Variants in HOXD1 observed in about 807,000 individuals in gnomAD.
HOXD1 encodes homeobox protein Hox-D1.
Under a neutral mutation model 19.9 loss-of-function variants are expected in HOXD1, and 17 were observed. The observed-to-expected ratio is 0.85, with a 90% CI of 0.58 to 1.28. The LOEUF (loss-of-function observed/expected upper bound fraction) is 1.28, where lower values mean the gene tolerates loss of function less well. Ranked by LOEUF, HOXD1 falls within the 50% of genes most tolerant of loss-of-function variation. The pLI, the probability that HOXD1 is intolerant of heterozygous loss-of-function variation, is 0.00. For missense variants in HOXD1, 500 were observed against 460.1 expected (o/e 1.09, Z -0.79); for synonymous variants, 239 against 216.0 (o/e 1.11, Z -0.93).
At chr2:176,189,779 C>G (rs750423712) in intron 1 of HOXD1, 29 bp from the exon 2 acceptor site, 1 of 1,611,170 alleles carries the variant, frequency 6.2e-7, no homozygotes, top group Admixed American at 1.7e-5. Flanking sequence ...GGCCTCAGGC[C>G]TGGCTGACGC....
rs896234785 is a variant in HOXD1 at position 176,189,426 on chromosome 2, A to C, written c.625A>C (p.Lys209Gln). Residue 209 changes from lysine to glutamine, a missense_variant, in exon 1 of 2, where the codon AAA becomes CAA. By Grantham distance (53) the Lys-to-Gln change is moderately conservative. Transcript: ENST00000331462. ...PAAFSTFEWM[K>Q]VKRNASKKGK... The stretch of plus-strand genomic sequence containing the variant: ...CGCCTTCAGCACGTTCGAGTGGATG[A>C]AAGTGAAGAGGAATGCCTCTAAGAA... The C allele has an allele frequency of 6.2e-7, 1 of 1,612,696 alleles. No homozygotes were observed. Among genetic ancestry groups the C allele is most frequent in the Non-Finnish European group, 8.5e-7 (1 of 1,179,684 alleles).
Position 176,189,007 on chromosome 2 carries a change from C to G in HOXD1, c.206C>G (p.Pro69Arg). 1 of 1,419,218 alleles carries G rather than the reference C, an allele frequency of 7.0e-7. No individual in the cohort carries two copies. Among genetic ancestry groups the G allele is most frequent in the Non-Finnish European group, 9.1e-7 (1 of 1,100,586 alleles). 87.9% of individuals were successfully genotyped at this position (1,419,218 alleles called of 1,614,324 possible). ...CCCTCGCCTTCGCCCCCGGCCGCCC[C>G]CGCGCGGCCGTCCGTACCGCCTCCG... The part of the protein sequence containing the change: ...ARPSPSPPAA[P>R]ARPSVPPPAA... Residue 69 changes from proline to arginine, a missense_variant, in exon 1 of 2, where the codon CCC becomes CGC. Transcript: ENST00000331462.
Position 176,189,335 on chromosome 2 carries a change from C to G in HOXD1, c.534C>G (p.Phe178Leu). The part of the protein sequence containing the change: ...KASADGHPGA[F>L]QTASPAPGTY... ...CAGCCGACGGCCACCCTGGTGCTTT[C>G]CAGACCGCATCCCCGGCCCCAGGCA... The change falls in exon 1 of 2, where the codon TTC becomes TTG. Residue 178 changes from phenylalanine (F) to leucine (L), a missense_variant. Phe to Leu is a conservative substitution (Grantham distance 22). Coordinates refer to ENST00000331462, the MANE Select transcript of HOXD1 (RefSeq NM_024501.3). 1 of 1,612,776 alleles carries G rather than the reference C, an allele frequency of 6.2e-7. No homozygotes were observed. Among genetic ancestry groups the G allele is most frequent in the South Asian group, 1.1e-5 (1 of 91,030 alleles).
Position 176,188,757 on chromosome 2 carries a change from T to C in HOXD1, c.-45T>C, listed in dbSNP as rs745869436. The C allele has an allele frequency of 6.3e-7, 1 of 1,582,842 alleles. No homozygotes were observed. Among genetic ancestry groups the C allele is most frequent in the Non-Finnish European group, 8.6e-7 (1 of 1,163,052 alleles). On this transcript the variant is annotated 5_prime_UTR_variant, in exon 1 of 2. Coordinates refer to ENST00000331462, the MANE Select transcript of HOXD1 (RefSeq NM_024501.3). ...CCTGCTCAGCCTCTGCCCGGCTCCG[T>C]ACTCCGGCCCCGGCCTGCGCCCTCA...
In HOXD1 at chr2:176,190,210, CTT is replaced by C; in HGVS notation, c.*69_*70del. 9.5e-7 allele frequency: 1 copy of C among 1,055,824 alleles called. No individual in the cohort carries two copies. Among genetic ancestry groups the C allele is most frequent in the African/African-American group, 1.6e-5 (1 of 62,254 alleles). The allele number at this position is 1,055,824 out of a possible 1,614,324, so 65.4% of individuals were successfully genotyped here. A position where few individuals can be genotyped will look rare whatever the true frequency, so the allele number is the denominator to read the frequency against. On this transcript the variant is annotated 3_prime_UTR_variant, in exon 2 of 2. Transcript: ENST00000331462. The stretch of plus-strand genomic sequence containing the variant: ...CAGGCGACCCCCATCCCTATCTAGA[CTT>C]AGGAGCTCAGTTTGGGATGGAGGTG...
At chr2:176,189,570 A>T in intron 1 of HOXD1, 117 bp downstream of exon 1, 1 of 1,584,334 alleles carries the variant, frequency 6.3e-7, no homozygotes, top group Non-Finnish European at 8.6e-7. Flanking sequence ...GGTTTTGTGG[A>T]GGAGACGCGT....
intron 1 of HOXD1, 76 bp from the exon 2 acceptor site, chr2:176,189,732 T>C: frequency 6.2e-7 from 1 of 1,611,606 alleles, no homozygotes; most frequent in Non-Finnish European, 8.5e-7. Context: ...GGACTTTGAT[T>C]CTAACTAGCT....
In HOXD1 at chr2:176,189,173, G is replaced by C; in HGVS notation, c.372G>C (p.Ala124=). 6.4e-7 allele frequency: 1 copy of C among 1,558,686 alleles called. No homozygotes were observed. Among genetic ancestry groups the C allele is most frequent in the Non-Finnish European group, 8.6e-7 (1 of 1,158,816 alleles). The change falls in exon 1 of 2, where the codon GCG becomes GCC. Residue 124 remains alanine, a synonymous_variant. Transcript: ENST00000331462. The part of the protein sequence containing the change: ...AYDFPGVLGR[A]ADDGGSHVHY... ...ACTTCCCGGGCGTGCTGGGGCGGGC[G>C]GCCGACGACGGCGGGTCTCACGTCC... is the stretch of plus-strand genomic sequence containing the variant.
At chr2:176,189,609 C>G (rs536889297) in intron 1 of HOXD1, 156 bp downstream of exon 1, 5 of 1,563,966 alleles carry the variant, frequency 3.2e-6, no homozygotes, top group East Asian at 2.4e-5. Flanking sequence ...GAGTCTGCCT[C>G]GAGTACAGAT....
In HOXD1 at chr2:176,189,186, G is replaced by T; in HGVS notation, c.385G>T (p.Gly129Trp). 6.4e-7 allele frequency: 1 copy of T among 1,571,740 alleles called. No homozygotes were observed. ...GVLGRAADDG[G>W]SHVHYATSAV... The stretch of plus-strand genomic sequence containing the variant: ...GCTGGGGCGGGCGGCCGACGACGGC[G>T]GGTCTCACGTCCACTACGCCACCTC... Residue 129 changes from glycine (G) to tryptophan (W), a missense_variant, in exon 1 of 2, where the codon GGG becomes TGG. Gly to Trp is a radical substitution (Grantham distance 184, BLOSUM62 -2). Coordinates refer to ENST00000331462, the MANE Select transcript of HOXD1 (RefSeq NM_024501.3).
At position 176,189,075 on chromosome 2, in the gene HOXD1, G is replaced by A; in HGVS notation, c.274G>A (p.Glu92Lys). ...YAQCTLEGAY[E>K]PGAAPAAAAG... ...GCAGTGCACCCTGGAGGGGGCCTAC[G>A]AACCTGGTGCCGCACCTGCCGCGGC... Residue 92 changes from glutamate to lysine, a missense_variant, in exon 1 of 2, where the codon GAA becomes AAA. Glu to Lys is a moderately conservative substitution (Grantham distance 56). Transcript: ENST00000331462. 2 of 1,489,388 alleles carry A rather than the reference G, an allele frequency of 1.3e-6. No individual in the cohort carries two copies. The highest frequency in any genetic ancestry group is 1.8e-6 in the Non-Finnish European group (2 of 1,129,092). 92.3% of individuals were successfully genotyped at this position (1,489,388 alleles called of 1,614,324 possible). A position where few individuals can be genotyped will look rare whatever the true frequency, so the allele number is the denominator to read the frequency against.
chr2:176,189,244 T>G lies in HOXD1; in HGVS notation c.443T>G (p.Leu148Arg). 1 of 1,596,804 alleles carries G rather than the reference T, an allele frequency of 6.3e-7. No individual in the cohort carries two copies. Among genetic ancestry groups the G allele is most frequent in the Non-Finnish European group, 8.5e-7 (1 of 1,172,646 alleles). ...TTCTCGGGCGGCGGCTCTTTCCTCC[T>G]CAGCGGCCAGGTGGATTACGCGGCC... is the stretch of plus-strand genomic sequence containing the variant. ...AVFSGGGSFL[L>R]SGQVDYAAFG... is the part of the protein sequence containing the mutation. Residue 148 changes from leucine (L) to arginine (R), a missense_variant, in exon 1 of 2, where the codon CTC becomes CGC. Physicochemically the swap from Leu to Arg is moderately radical, Grantham distance 102 (BLOSUM62 -2). Transcript: ENST00000331462.
At position 176,189,289 on chromosome 2, in the gene HOXD1, T is replaced by C. The variant is rs1465501227; in HGVS notation, c.488T>C (p.Phe163Ser). The stretch of plus-strand genomic sequence containing the variant: ...GCGGCCTTCGGCGAACCCGGCCCTT[T>C]TCCGGCTTGTCTCAAAGCGTCAGCC... ...DYAAFGEPGP[F>S]PACLKASADG... The change falls in exon 1 of 2, where the codon TTT becomes TCT. Residue 163 changes from phenylalanine (F) to serine (S), a missense_variant. Coordinates refer to ENST00000331462, the MANE Select transcript of HOXD1 (RefSeq NM_024501.3). The C allele has an allele frequency of 6.2e-7, 1 of 1,608,716 alleles. No individual in the cohort carries two copies. Among genetic ancestry groups the C allele is most frequent in the Non-Finnish European group, 8.5e-7 (1 of 1,178,218 alleles).
rs929466321 is a variant in HOXD1 at position 176,189,019 on chromosome 2, C to T, written c.218C>T (p.Ser73Phe). 1 of 1,415,860 alleles carries T rather than the reference C, an allele frequency of 7.1e-7. No homozygotes were observed. Among genetic ancestry groups the T allele is most frequent in the African/African-American group, 1.5e-5 (1 of 65,918 alleles). 87.7% of individuals were successfully genotyped at this position (1,415,860 alleles called of 1,614,324 possible). A position where few individuals can be genotyped will look rare whatever the true frequency, so the allele number is the denominator to read the frequency against. Reference protein sequence around the residue: ...PSPPAAPARPSVPPPAAPQYA... With the variant: ...PSPPAAPARPFVPPPAAPQYA... ...CCCCCGGCCGCCCCCGCGCGGCCGT[C>T]CGTACCGCCTCCGGCCGCGCCCCAG... is the stretch of plus-strand genomic sequence containing the variant. The change falls in exon 1 of 2, where the codon TCC becomes TTC. Residue 73 changes from serine (S) to phenylalanine (F), a missense_variant. Physicochemically the swap from Ser to Phe is radical, Grantham distance 155. Transcript: ENST00000331462.
Position 176,188,937 on chromosome 2 carries a change from G to C in HOXD1, c.136G>C (p.Gly46Arg), listed in dbSNP as rs768592188. 5 of 1,561,020 alleles carry C rather than the reference G, an allele frequency of 3.2e-6. No individual in the cohort carries two copies. Among genetic ancestry groups the C allele is most frequent in the South Asian group, 1.2e-5 (1 of 86,174 alleles). ...ALQPAFPLGNGDGAFVSCLPL... is the reference protein window; with the variant it reads ...ALQPAFPLGNRDGAFVSCLPL... ...GCAGCCCGCCTTCCCTCTGGGCAAC[G>C]GCGACGGCGCCTTCGTCAGCTGTCT... The change falls in exon 1 of 2, where the codon GGC (glycine) becomes CGC (arginine). Residue 46 changes from glycine (G) to arginine (R), a missense_variant. Gly to Arg is a moderately radical substitution (Grantham distance 125). Transcript: ENST00000331462.
At chr2:176,189,591 A>G (rs1456204646) in intron 1 of HOXD1, 138 bp downstream of exon 1, 16 of 1,569,756 alleles carry the variant, frequency 1.0e-5, no homozygotes, top group Non-Finnish European at 1.3e-5. Flanking sequence ...TCCCGGGCGA[A>G]TTCCATGGAG....
At position 176,189,442 on chromosome 2, in the gene HOXD1, C is replaced by T; in HGVS notation, c.641C>T (p.Ala214Val). The T allele has an allele frequency of 3.1e-6, 5 of 1,611,952 alleles. No homozygotes were observed. Among genetic ancestry groups the T allele is most frequent in the Non-Finnish European group, 4.2e-6 (5 of 1,179,158 alleles). The change falls in exon 1 of 2, where the codon GCC (alanine) becomes GTC (valine). Residue 214 changes from alanine (A) to valine (V), a missense_variant. Physicochemically the swap from Ala to Val is moderately conservative, Grantham distance 64. Transcript: ENST00000331462. ...GAGTGGATGAAAGTGAAGAGGAATGCCTCTAAGAAAGGTAAGTCCGCGGGC... is the reference window on the plus strand; with the variant it reads ...GAGTGGATGAAAGTGAAGAGGAATGTCTCTAAGAAAGGTAAGTCCGCGGGC... The part of the protein sequence containing the change: ...TFEWMKVKRN[A>V]SKKGKLAEYG...
rs779194329 is a variant in HOXD1, at chr2:176,189,276, G to C, written c.475G>C (p.Glu159Gln). The C allele has an allele frequency of 6.2e-7, 1 of 1,604,588 alleles. No homozygotes were observed. Among genetic ancestry groups the C allele is most frequent in the Non-Finnish European group, 8.5e-7 (1 of 1,176,284 alleles). The change falls in exon 1 of 2, where the codon GAA (glutamate) becomes CAA (glutamine). Residue 159 changes from glutamate (E) to glutamine (Q), a missense_variant. Physicochemically the swap from Glu to Gln is conservative, Grantham distance 29. Coordinates refer to ENST00000331462, the MANE Select transcript of HOXD1 (RefSeq NM_024501.3). ...CCAGGTGGATTACGCGGCCTTCGGC[G>C]AACCCGGCCCTTTTCCGGCTTGTCT... Reference protein sequence around the residue: ...SGQVDYAAFGEPGPFPACLKA... With the variant: ...SGQVDYAAFGQPGPFPACLKA...
rs1448801758 is a variant in HOXD1, at chr2:176,190,580, CTAG to C, written c.*440_*442del. 1 of 158,362 alleles carries C rather than the reference CTAG, an allele frequency of 6.3e-6. No individual in the cohort carries two copies. Among genetic ancestry groups the C allele is most frequent in the Non-Finnish European group, 1.4e-5 (1 of 72,170 alleles). The allele number at this position is 158,362 out of a possible 1,614,324, so 9.8% of individuals were successfully genotyped here. The stretch of plus-strand genomic sequence containing the variant: ...ATTCAGCTTTTTGAGATGACCAAAG[CTAG>C]TTAGGGTCTCCTTGATGTAGCTAAG... On this transcript the variant is annotated 3_prime_UTR_variant, in exon 2 of 2. Coordinates refer to ENST00000331462, the MANE Select transcript of HOXD1 (RefSeq NM_024501.3).
Sources: gnomAD v4.1 joint callset for allele counts on GRCh38, gnomAD v4.1.1 for gene constraint, MANE v1.5 for transcripts, NCBI Gene and HGNC (gene_info 2026-07-23, HGNC 2026-07-21) for gene names.